RBFOX1: variants seen among roughly 807,000 people sequenced by gnomAD.
RBFOX1 encodes the protein RNA binding protein fox-1 homolog 1.
In RBFOX1, 8 loss-of-function variants were observed where a neutral mutation model predicts 57.7. The observed-to-expected ratio is 0.14, with a 90% CI of 0.08 to 0.25. The LOEUF is 0.25. Among genes scored for constraint, RBFOX1 ranks in the 10% least tolerant of loss-of-function variants. RBFOX1 has a pLI of 1.00. For synonymous variants in RBFOX1, 326 were observed against 222.4 expected, an observed-to-expected ratio of 1.47 and a Z score of -4.15; for missense variants, 611 against 548.5, an observed-to-expected ratio of 1.11 and a Z score of -1.14.
intron 3 of RBFOX1, among the ~76,000 whole-genome samples, chr16:6,759,357 G>T (rs561511042): frequency 6.6e-6 from 1 of 152,098 alleles, no homozygotes; most frequent in African/African-American, 2.4e-5. Flanking sequence ...AGTCGTGTTG[G>T]CCAGGCTGGT....
chr16:7,254,385 C>A (rs1369117038), intron 4 of RBFOX1, among the ~76,000 whole-genome samples: 1 of 152,128 alleles, frequency 6.6e-6, no homozygotes. Flanking sequence ...TTATCTAGCA[C>A]ATTTCTTAGA....
intron 1 of RBFOX1, among the ~76,000 whole-genome samples, chr16:6,312,228 C>T (rs4786853): frequency 0.32 from 48,227 of 152,002 alleles, 8,110 homozygotes; most frequent in Middle Eastern, 0.4. Flanking sequence ...AGTTTCAGCA[C>T]TAAAAGTCAG....
intron 1 of RBFOX1, among the ~76,000 whole-genome samples, chr16:6,288,095 G>A (rs1398195683): frequency 6.6e-6 from 1 of 152,144 alleles, no homozygotes; most frequent in Non-Finnish European, 1.5e-5. Flanking sequence ...ACTCTTAGCT[G>A]CGTGCAGCAT....
At chr16:7,287,353 A>C (rs1018953338) in intron 4 of RBFOX1, among the ~76,000 whole-genome samples, 2 of 152,172 alleles carry the variant, frequency 1.3e-5, no homozygotes, top group South Asian at 2.1e-4. Context: ...TGGTGACTAT[A>C]ATTAGGATTC....
chr16:6,414,113 C>T (rs895793143), intron 2 of RBFOX1, among the ~76,000 whole-genome samples: 3 of 152,120 alleles, frequency 2.0e-5, no homozygotes, highest in African/African-American at 7.2e-5. Flanking sequence ...AGATGCCTCC[C>T]AAGAGAGCCA....
At chr16:5,243,725 C>G (rs770060624) in intron 1 of RBFOX1, among the ~76,000 whole-genome samples, 1 of 152,088 alleles carries the variant, frequency 6.6e-6, no homozygotes, top group African/African-American at 2.4e-5. Context: ...GCTTGGGTCC[C>G]TGCTGTACCC....
At chr16:7,673,252 C>T (rs1184237144) in intron 13 of RBFOX1, among the ~76,000 whole-genome samples, 2 of 152,184 alleles carry the variant, frequency 1.3e-5, no homozygotes, top group African/African-American at 2.4e-5. Context: ...CTCAAATTCT[C>T]TGAGATGCCT....
At chr16:7,708,826 G>GTATATGTA (rs1422076841) in intron 14 of RBFOX1, among the ~76,000 whole-genome samples, 2 of 151,958 alleles carry the variant, frequency 1.3e-5, no homozygotes, top group African/African-American at 2.4e-5. Flanking sequence ...AAGTACGTGT[G>GTATATGTA]TATATATGTA....
At chr16:6,862,088 A>G (rs1364599625) in intron 3 of RBFOX1, among the ~76,000 whole-genome samples, 1 of 152,178 alleles carries the variant, frequency 6.6e-6, no homozygotes, top group African/African-American at 2.4e-5. Flanking sequence ...AGAAGATGTC[A>G]TTGGGCTGTG....
Position 6,051,008 on chromosome 16 carries a change from G to T in RBFOX1, c.-127+31016G>T, listed in dbSNP as rs1170303359. 2.1e-5 allele frequency among the ~76,000 whole-genome samples: 3 copies of T among 146,186 alleles called. No individual in the cohort carries two copies. In the Admixed American group the frequency reaches 2.1e-4, roughly 10 times the overall value. The stretch of plus-strand genomic sequence containing the variant: ...GCTTTCTTACTATCTAGTATGACTT[G>T]ATATTCTAGATTCATCTTGTATATT... On this transcript the variant is annotated intron_variant, in intron 1 of 15. Transcript: ENST00000550418.
At chr16:6,236,221 G>A (rs899146976) in intron 1 of RBFOX1, among the ~76,000 whole-genome samples, 1 of 152,052 alleles carries the variant, frequency 6.6e-6, no homozygotes, top group African/African-American at 2.4e-5. Flanking sequence ...AGCAAGCTCT[G>A]GAGTCAGCCC....
intron 4 of RBFOX1, among the ~76,000 whole-genome samples, chr16:5,957,741 A>G (rs1423924904): frequency 6.6e-6 from 1 of 152,204 alleles, no homozygotes; most frequent in East Asian, 1.9e-4. Flanking sequence ...TGATACACGC[A>G]TGCAATGTAC....
Position 5,800,786 on chromosome 16 carries a change from G to A in RBFOX1, c.319-66517G>A, listed in dbSNP as rs114603378. ...GCTCGGAAACCTAAGCAAGGAAGACGTCCTAGTGCCATTGGATCCCTTTTC... is the reference window on the plus strand; with the variant it reads ...GCTCGGAAACCTAAGCAAGGAAGACATCCTAGTGCCATTGGATCCCTTTTC... On this transcript the variant is annotated intron_variant, in intron 3 of 19. Transcript: ENST00000641259. 8.4e-4 allele frequency among the ~76,000 whole-genome samples: 128 copies of A among 152,224 alleles called. 1 individual carries two copies. The highest frequency in any genetic ancestry group is 2.9e-3 in the African/African-American group (122 of 41,528).
intron 3 of RBFOX1, among the ~76,000 whole-genome samples, chr16:6,969,655 G>C (rs1249299769): frequency 6.6e-6 from 1 of 152,130 alleles, no homozygotes; most frequent in Non-Finnish European, 1.5e-5. Flanking sequence ...GAGGTGGGAG[G>C]ATGGCTTGAG....
chr16:7,190,477 A>C (rs2085098957), intron 4 of RBFOX1, among the ~76,000 whole-genome samples: 1 of 152,136 alleles, frequency 6.6e-6, no homozygotes, highest in Non-Finnish European at 1.5e-5. Flanking sequence ...AGGTATTTTT[A>C]CATATCATCC....
At chr16:6,934,492 C>G (rs1441427869) in intron 3 of RBFOX1, among the ~76,000 whole-genome samples, 3 of 152,024 alleles carry the variant, frequency 2.0e-5, no homozygotes, top group African/African-American at 4.8e-5. Flanking sequence ...CATCAGTGGG[C>G]TAATGGACAA....
chr16:7,328,209 C>T (rs960914021), intron 4 of RBFOX1, among the ~76,000 whole-genome samples: 2 of 152,010 alleles, frequency 1.3e-5, no homozygotes, highest in African/African-American at 2.4e-5. Flanking sequence ...GTTCTGGGCG[C>T]GGTGGCTCAT....
chr16:7,077,901 C>A (rs147879960), intron 4 of RBFOX1, among the ~76,000 whole-genome samples: 1 of 152,122 alleles, frequency 6.6e-6, no homozygotes, highest in African/African-American at 2.4e-5. Flanking sequence ...TGAGATTGTG[C>A]TTTTATTGAG....
At chr16:7,359,008 T>C (rs1344170787) in intron 4 of RBFOX1, among the ~76,000 whole-genome samples, 1 of 152,176 alleles carries the variant, frequency 6.6e-6, no homozygotes, top group Non-Finnish European at 1.5e-5. Context: ...AAATCTAAGA[T>C]TAGTTGAGTT....
Sources: gnomAD v4.1 joint callset for allele counts (sites outside exome capture counted in the v4.1 genomes callset) on GRCh38, gnomAD v4.1.1 for gene constraint, MANE v1.5 for transcripts, NCBI Gene and HGNC (gene_info 2026-07-23, HGNC 2026-07-21) for gene names.